C1QTNF1: variants seen among roughly 807,000 people sequenced by gnomAD.
The protein encoded by C1QTNF1 is C1q and TNF related 1.
A neutral mutation model predicts 27.8 loss-of-function variants in C1QTNF1; 22 were observed. The observed-to-expected ratio is 0.79, with a 90% confidence interval of 0.56 to 1.13. The LOEUF is 1.13. C1QTNF1 is among the 50% of genes most tolerant of loss of function. The probability of loss-of-function intolerance (pLI) is 0.00; values close to 1 mark genes in which losing one functional copy is unlikely to be tolerated. For missense variants in C1QTNF1, 373 were observed against 380.2 expected (o/e 0.98, Z 0.16); for synonymous variants, 166 against 154.3 (o/e 1.08, Z -0.56).
chr17:79,047,272 G>GA (rs376423666), intron 3 of C1QTNF1: 169 of 369,216 alleles, frequency 4.6e-4, no homozygotes, highest in Middle Eastern at 1.4e-3. Context: ...TTTCCAGAAG[G>GA]AAAAAAAAAT....
chr17:79,047,152 A>G, intron 3 of C1QTNF1: 1 of 251,042 alleles, frequency 4.0e-6, no homozygotes, highest in Non-Finnish European at 7.5e-6. Context: ...TCTGGAGTTC[A>G]TTTGCTCAGA....
intron 1 of C1QTNF1, among the ~76,000 whole-genome samples, chr17:79,040,141 A>G (rs1040930427): frequency 6.6e-6 from 1 of 152,202 alleles, no homozygotes; most frequent in Non-Finnish European, 1.5e-5. Context: ...AGACTCTCAT[A>G]GGCTAGACAA....
intron 2 of C1QTNF1, among the ~76,000 whole-genome samples, chr17:79,045,225 T>C (rs1358761468): frequency 6.6e-6 from 1 of 152,004 alleles, no homozygotes; most frequent in African/African-American, 2.4e-5. Context: ...GAATGGGGTG[T>C]GCAAAGGCAT....
intron 1 of C1QTNF1, among the ~76,000 whole-genome samples, chr17:79,037,631 AC>A (rs1344301629): frequency 6.6e-6 from 1 of 152,118 alleles, no homozygotes; most frequent in Non-Finnish European, 1.5e-5. Flanking sequence ...TCCTTAAAGG[AC>A]CTACCACAGA....
rs760245323 is a variant in C1QTNF1 at position 79,047,549 on chromosome 17, G to A, written c.307G>A (p.Asp103Asn). 2 of 1,526,346 alleles carry A rather than the reference G, an allele frequency of 1.3e-6. No homozygotes were observed. The highest frequency in any genetic ancestry group is 1.8e-6 in the Non-Finnish European group (2 of 1,138,878). 94.6% of individuals were successfully genotyped at this position (1,526,346 alleles called of 1,614,324 possible). The change falls in exon 4 of 4, where the codon GAC becomes AAC. Residue 103 changes from aspartate to asparagine, a missense_variant. By Grantham distance (23) the Asp-to-Asn change is conservative. Transcript: ENST00000579760. ...NITILKGEKG[D>N]RGDRGLQGKY... is the part of the protein sequence containing the mutation. ...CCCATCCCTTTTAGGGGAGAAGGGT[G>A]ACCGCGGAGATCGAGGCCTCCAAGG... is the stretch of plus-strand genomic sequence containing the variant.
chr17:79,026,647 G>T (rs2071970352), intron 1 of C1QTNF1, among the ~76,000 whole-genome samples: 2 of 152,168 alleles, frequency 1.3e-5, no homozygotes, highest in Admixed American at 6.5e-5. Context: ...GTTGCCAAGG[G>T]TGGTGTCCCC....
chr17:79,035,175 A>G (rs189681902), intron 1 of C1QTNF1, among the ~76,000 whole-genome samples: 2 of 152,254 alleles, frequency 1.3e-5, no homozygotes, highest in African/African-American at 2.4e-5. Context: ...GGACACCCCA[A>G]CGTGGCACCT....
At chr17:79,039,319 C>T (rs1202946837) in intron 1 of C1QTNF1, among the ~76,000 whole-genome samples, 2 of 152,128 alleles carry the variant, frequency 1.3e-5, no homozygotes, top group South Asian at 4.1e-4. Context: ...ACAGGCTAGC[C>T]CCCCACCACA....
chr17:79,028,377 C>T (rs1378176753), intron 1 of C1QTNF1, among the ~76,000 whole-genome samples: 1 of 152,184 alleles, frequency 6.6e-6, no homozygotes, highest in Non-Finnish European at 1.5e-5. Context: ...GCTGCCAGCC[C>T]TGGGTGGGTT....
rs767389333 is a variant in C1QTNF1, at chr17:79,043,937, G to A, written c.-14-18G>A. 4.3e-6 allele frequency: 7 copies of A among 1,613,166 alleles called. No individual in the cohort carries two copies. Among genetic ancestry groups the A allele is most frequent in the African/African-American group, 2.7e-5 (2 of 75,038 alleles). The stretch of plus-strand genomic sequence containing the variant: ...CTTCCTAACTCGGTGCCTTCCCTGT[G>A]TGTTTCTTTCCCACCAGGGCCCGGC... On this transcript the variant is annotated intron_variant, in intron 1 of 3. Coordinates refer to ENST00000579760, the MANE Select transcript of C1QTNF1 (RefSeq NM_030968.5).
rs574065051 is a variant in C1QTNF1 at position 79,044,124 on chromosome 17, G to C, written c.155+1G>C. 6.2e-7 allele frequency: 1 copy of C among 1,604,682 alleles called. No individual in the cohort carries two copies. Among genetic ancestry groups the C allele is most frequent in the South Asian group, 1.1e-5 (1 of 90,432 alleles). ...CGTCGCCTCCGGACCATGCCGAGAG[G>C]TGAGGGGCCACGAGGGTGTAATAGC... On this transcript the variant is annotated splice_donor_variant, in intron 2 of 3. Coordinates refer to ENST00000579760, the MANE Select transcript of C1QTNF1 (RefSeq NM_030968.5). LOFTEE classifies it high-confidence loss of function.
At position 79,048,123 on chromosome 17, in the gene C1QTNF1, C is replaced by T. The variant is rs1401463252; in HGVS notation, c.*35C>T. ...CACCTCCTTTCCTCTCGCCACCTTCCACCCCTGCGCTGTGCTGACCCCACC... is the reference window on the plus strand; with the variant it reads ...CACCTCCTTTCCTCTCGCCACCTTCTACCCCTGCGCTGTGCTGACCCCACC... On this transcript the variant is annotated 3_prime_UTR_variant, in exon 4 of 4. Coordinates refer to ENST00000579760, the MANE Select transcript of C1QTNF1 (RefSeq NM_030968.5). 1.4e-5 allele frequency: 17 copies of T among 1,230,622 alleles called. No individual in the cohort carries two copies. Among genetic ancestry groups the T allele is most frequent in the Non-Finnish European group, 1.8e-5 (17 of 942,090 alleles). The allele number at this position is 1,230,622 out of a possible 1,614,324, so 76.2% of individuals were successfully genotyped here.
At chr17:79,042,605 C>T (rs987349060) in intron 1 of C1QTNF1, among the ~76,000 whole-genome samples, 6 of 152,236 alleles carry the variant, frequency 3.9e-5, no homozygotes, top group Non-Finnish European at 5.9e-5. Context: ...GGTGAAGGAC[C>T]TGGTCATTGA....
chr17:79,032,775 A>G (rs2072169502), intron 1 of C1QTNF1, among the ~76,000 whole-genome samples: 1 of 152,136 alleles, frequency 6.6e-6, no homozygotes, highest in Non-Finnish European at 1.5e-5. Context: ...TAAAAGCCTT[A>G]GGGCAGAGCA....
intron 2 of C1QTNF1, among the ~76,000 whole-genome samples, chr17:79,045,823 T>C (rs769509458): frequency 6.6e-6 from 1 of 152,098 alleles, no homozygotes; most frequent in Non-Finnish European, 1.5e-5. Flanking sequence ...GAGGTAGGGG[T>C]GAGATGTCCA....
At chr17:79,033,942 C>T (rs1173722714) in intron 1 of C1QTNF1, among the ~76,000 whole-genome samples, 6 of 152,094 alleles carry the variant, frequency 3.9e-5, no homozygotes, top group Non-Finnish European at 4.4e-5. Context: ...TGATCGTAGC[C>T]AAGCAGTCGG....
Position 79,047,665 on chromosome 17 carries a change from C to T in C1QTNF1, c.423C>T (p.Cys141=). Residue 141 remains cysteine, a synonymous_variant, in exon 4 of 4, where the codon TGC becomes TGT. Coordinates refer to ENST00000579760, the MANE Select transcript of C1QTNF1 (RefSeq NM_030968.5). ...CCATGGGGGCCCCTGGGGAGCGGTG[C>T]AAGAGCCACTACGCCGCCTTTTCGG... ...KGSMGAPGER[C]KSHYAAFSVG... 1.2e-6 allele frequency: 2 copies of T among 1,613,438 alleles called. No homozygotes were observed.
chr17:79,037,984 TTTTTTC>T (rs1024822181), intron 1 of C1QTNF1, among the ~76,000 whole-genome samples: 1 of 148,750 alleles, frequency 6.7e-6, no homozygotes, highest in Non-Finnish European at 1.5e-5. Context: ...GGGATACAAT[TTTTTTC>T]TTTTTCTTTT....
At chr17:79,038,401 T>A (rs1269621430) in intron 1 of C1QTNF1, among the ~76,000 whole-genome samples, 1 of 152,172 alleles carries the variant, frequency 6.6e-6, no homozygotes, top group Admixed American at 6.5e-5. Context: ...AAGGGGGATG[T>A]GTTCTTGTTG....
Sources: gnomAD v4.1 joint callset for allele counts (sites outside exome capture counted in the v4.1 genomes callset) on GRCh38, gnomAD v4.1.1 for gene constraint, MANE v1.5 for transcripts, NCBI Gene and HGNC (gene_info 2026-07-23, HGNC 2026-07-21) for gene names.